Variants in PTK7 observed in about 807,000 individuals in gnomAD.
PTK7 encodes the protein protein tyrosine kinase 7 (inactive).
A neutral mutation model predicts 116.6 loss-of-function variants in PTK7; 39 were observed. The observed-to-expected ratio is 0.33, with a 90% confidence interval of 0.26 to 0.44. The LOEUF is 0.44. PTK7 is among the 20% of genes least tolerant of loss of function. The probability of loss-of-function intolerance (pLI) is 1.00; values close to 1 mark genes in which losing one functional copy is unlikely to be tolerated. For synonymous variants in PTK7, 546 were observed against 563.6 expected (o/e 0.97, Z 0.44); for missense variants, 1,169 against 1,425.6 (o/e 0.82, Z 2.90).
At chr6:43,148,130 G>T (rs968316798) in intron 17 of PTK7, among the ~76,000 whole-genome samples, 3 of 152,150 alleles carry the variant, frequency 2.0e-5, no homozygotes, top group Admixed American at 6.5e-5. Context: ...GGGCATGCCT[G>T]TAGTCCCAGC....
chr6:43,105,441 A>G (rs1341495792), intron 1 of PTK7, among the ~76,000 whole-genome samples: 2 of 133,504 alleles, frequency 1.5e-5, no homozygotes, highest in Non-Finnish European at 3.1e-5. Flanking sequence ...TCTGTGGTTA[A>G]CTGTATAGCA....
chr6:43,149,848 T>C (rs369598722), intron 17 of PTK7, among the ~76,000 whole-genome samples: 15 of 152,216 alleles, frequency 9.9e-5, no homozygotes, highest in African/African-American at 3.6e-4. Context: ...GGTCTCGCCA[T>C]GTTGTCCAGG....
chr6:43,077,757 C>A (rs1766137728), intron 1 of PTK7, among the ~76,000 whole-genome samples: 1 of 152,200 alleles, frequency 6.6e-6, no homozygotes, highest in African/African-American at 2.4e-5. Flanking sequence ...TAAGGAATTG[C>A]CTTTCTAATA....
At chr6:43,128,913 G>A in intron 1 of PTK7, 64 bp from the exon 2 acceptor site, 4 of 1,506,008 alleles carry the variant, frequency 2.7e-6, no homozygotes, top group Non-Finnish European at 3.6e-6. Flanking sequence ...GCACAAGGTG[G>A]CCTGTGTTAG....
In PTK7 at chr6:43,139,617, AG is replaced by A. The variant is rs545729384; in HGVS notation, c.1618+94del. The stretch of plus-strand genomic sequence containing the variant: ...GCTGCTGGGTGCCCCGCACTGTGCC[AG>A]GAAATGTGGAGATTAGACAAGCAGT... On this transcript the variant is annotated intron_variant, in intron 10 of 19. Transcript: ENST00000230419. The surrounding 1 kb of genome is among the most constrained non-coding windows in gnomAD (Gnocchi z 4.6). 17 of 1,552,778 alleles carry A rather than the reference AG, an allele frequency of 1.1e-5. No individual in the cohort carries two copies. The highest frequency in any genetic ancestry group is 1.2e-5 in the Non-Finnish European group (14 of 1,149,672).
intron 1 of PTK7, among the ~76,000 whole-genome samples, chr6:43,106,797 G>A (rs1767913793): frequency 6.6e-6 from 1 of 151,340 alleles, no homozygotes; most frequent in Admixed American, 6.6e-5. Context: ...TGTATTTTTA[G>A]TACAGACGGG....
At position 43,145,450 on chromosome 6, in the gene PTK7, G is replaced by A; in HGVS notation, c.2640+18G>A. 6.6e-7 allele frequency: 1 copy of A among 1,523,384 alleles called. No homozygotes were observed. Among genetic ancestry groups the A allele is most frequent in the East Asian group, 2.3e-5 (1 of 43,790 alleles). The allele number at this position is 1,523,384 out of a possible 1,614,324, so 94.4% of individuals were successfully genotyped here. ...TGGATCTGGTATGCTGTTGGCAGGG[G>A]ACGTGGGGGTCTCGGGTAGGGAGGG... On this transcript the variant is annotated intron_variant, in intron 16 of 19. Transcript: ENST00000230419. This position sits in a 1 kb window ranked among gnomAD's most constrained non-coding sequence, Gnocchi z 4.8.
At chr6:43,092,256 CT>C in intron 1 of PTK7, among the ~76,000 whole-genome samples, 2 of 152,234 alleles carry the variant, frequency 1.3e-5, no homozygotes, top group Middle Eastern at 6.8e-3. Flanking sequence ...TCACTGCAGC[CT>C]CGACCTCCTG....
chr6:43,138,643 CA>C, intron 7 of PTK7: 1 of 536,774 alleles, frequency 1.9e-6, no homozygotes, highest in Non-Finnish European at 3.2e-6. Context: ...GCCTGGGTGA[CA>C]GAGTGAGAAC....
At position 43,076,476 on chromosome 6, in the gene PTK7, T is replaced by G. The variant is rs755952591; in HGVS notation, c.-13T>G. On this transcript the variant is annotated 5_prime_UTR_variant, in exon 1 of 20. Transcript: ENST00000230419. The surrounding 1 kb of genome is among the most constrained non-coding windows in gnomAD (Gnocchi z 5.7). ...GCCGTGCGCCCTCAGCTCCTTTTCC[T>G]GAGCCCGCCGCGATGGGAGCTGCGC... 1 of 1,559,388 alleles carries G rather than the reference T, an allele frequency of 6.4e-7. No individual in the cohort carries two copies. The highest frequency in any genetic ancestry group is 1.4e-5 in the African/African-American group (1 of 70,512).
chr6:43,102,866 C>T (rs144418732), intron 1 of PTK7, among the ~76,000 whole-genome samples: 94 of 152,012 alleles, frequency 6.2e-4, no homozygotes, highest in African/African-American at 2.1e-3. Context: ...GTGTACCCAT[C>T]GTCCCAGCTA....
intron 17 of PTK7, among the ~76,000 whole-genome samples, chr6:43,151,571 C>T (rs1266634702): frequency 2.8e-5 from 4 of 142,304 alleles, no homozygotes; most frequent in African/African-American, 1.0e-4. Context: ...CTCACTCCGT[C>T]GCCAGGCTGG....
rs1561963909 is a variant in PTK7, at chr6:43,128,943, CCT to C, written c.80-33_80-32del. The stretch of plus-strand genomic sequence containing the variant: ...TGTTAGGACAGAGGCTGCAGCTCCC[CCT>C]GACCCTGCCTCTCCCCTGTTTGCAT... On this transcript the variant is annotated intron_variant, in intron 1 of 19. Coordinates refer to ENST00000230419, the MANE Select transcript of PTK7 (RefSeq NM_002821.5). 1.9e-6 allele frequency: 3 copies of C among 1,570,600 alleles called. No homozygotes were observed. The African/African-American group carries it at 4.0e-5, about 21-fold the overall frequency.
intron 19 of PTK7, 116 bp downstream of exon 19, chr6:43,160,082 C>T (rs141638247): frequency 6.7e-5 from 70 of 1,050,122 alleles, no homozygotes; most frequent in Non-Finnish European, 8.7e-5. Context: ...AGCAGGCACA[C>T]AGATACAACC....
At chr6:43,079,672 C>G (rs1438314282) in intron 1 of PTK7, among the ~76,000 whole-genome samples, 2 of 152,086 alleles carry the variant, frequency 1.3e-5, no homozygotes, top group Non-Finnish European at 2.9e-5. Context: ...CTCACTGAAG[C>G]CTCAAATTCC....
chr6:43,142,067 C>A lies in PTK7; in HGVS notation c.1905C>A (p.Thr635=). 3.1e-6 allele frequency: 5 copies of A among 1,613,676 alleles called. No individual in the cohort carries two copies. Among genetic ancestry groups the A allele is most frequent in the Non-Finnish European group, 4.2e-6 (5 of 1,179,836 alleles). The stretch of plus-strand genomic sequence containing the variant: ...GCAAGGACCGCATCCTGGACCCCAC[C>A]AAGCTGGGACCCAGGTAGGGCCACC... ...WKGKDRILDP[T]KLGPRMHIFQ... The change falls in exon 12 of 20, where the codon ACC becomes ACA. Residue 635 remains threonine (T), a synonymous_variant. Transcript: ENST00000230419.
chr6:43,110,990 T>C (rs1024660064), intron 1 of PTK7, among the ~76,000 whole-genome samples: 35 of 152,348 alleles, frequency 2.3e-4, no homozygotes, highest in African/African-American at 7.9e-4. Context: ...ACCTAATAAC[T>C]GTTTGTGTTC....
Position 43,132,453 on chromosome 6 carries a change from G to T in PTK7, c.994G>T (p.Val332Leu), listed in dbSNP as rs1267551727. Residue 332 changes from valine (V) to leucine (L), a missense_variant, in exon 7 of 20, where the codon GTG becomes TTG. Val to Leu is a conservative substitution (Grantham distance 32). Transcript: ENST00000230419. ...AGACATGCCGCTATTTGAGCCACGGGTGTTTACAGCTGGCAGCGAGGAGCG... is the reference window on the plus strand; with the variant it reads ...AGACATGCCGCTATTTGAGCCACGGTTGTTTACAGCTGGCAGCGAGGAGCG... Reference protein sequence around the residue: ...IEDMPLFEPRVFTAGSEERVT... With the variant: ...IEDMPLFEPRLFTAGSEERVT... 3.8e-6 allele frequency: 6 copies of T among 1,591,480 alleles called. No homozygotes were observed. Among genetic ancestry groups the T allele is most frequent in the Non-Finnish European group, 5.2e-6 (6 of 1,163,864 alleles).
intron 1 of PTK7, among the ~76,000 whole-genome samples, chr6:43,100,925 T>TA (rs1273370301): frequency 6.6e-6 from 1 of 152,200 alleles, no homozygotes; most frequent in African/African-American, 2.4e-5. Context: ...CAGTAACTCT[T>TA]AAAAACGATT....
Sources: gnomAD v4.1 joint callset for allele counts (sites outside exome capture counted in the v4.1 genomes callset) on GRCh38, gnomAD v4.1.1 for gene constraint, Gnocchi (gnomAD v3.1) non-coding constraint, MANE v1.5 for transcripts, NCBI Gene and HGNC (gene_info 2026-07-23, HGNC 2026-07-21) for gene names.